FMNL3: variants seen among roughly 807,000 people sequenced by gnomAD.
FMNL3 encodes the protein formin-like protein 3.
A neutral mutation model predicts 119.6 loss-of-function variants in FMNL3; 57 were observed. The ratio of observed to expected loss-of-function variants is 0.48; its 90% CI spans 0.39 to 0.59. The LOEUF is 0.59. Among genes scored for constraint, FMNL3 ranks in the 20% least tolerant of loss-of-function variants. The probability of loss-of-function intolerance (pLI) is 0.00; values close to 1 mark genes in which losing one functional copy is unlikely to be tolerated. For missense variants in FMNL3, 1,053 were observed against 1,323.5 expected (o/e 0.80, Z 3.17); for synonymous variants, 491 against 507.3 (o/e 0.97, Z 0.43).
intron 21 of FMNL3, 81 bp from the exon 22 acceptor site, chr12:49,648,434 C>A (rs891598507): frequency 2.1e-5 from 30 of 1,450,124 alleles, no homozygotes; most frequent in Non-Finnish European, 2.6e-5. Context: ...CAAACTCTGG[C>A]CCTCCCCCTC....
intron 1 of FMNL3, among the ~76,000 whole-genome samples, chr12:49,692,326 C>CAA (rs879884290): frequency 2.1e-5 from 3 of 140,524 alleles, no homozygotes; most frequent in Non-Finnish European, 4.7e-5. Flanking sequence ...ACCTTGTCTC[C>CAA]AAAAAAAAAA....
chr12:49,654,411 G>A (rs1795295535), intron 10 of FMNL3, 109 bp from the exon 11 acceptor site: 1 of 797,446 alleles, frequency 1.3e-6, no homozygotes, highest in Admixed American at 2.4e-5. Context: ...GATAATTACA[G>A]GGAGTCAATT....
At chr12:49,671,122 T>C (rs1944034378) in intron 1 of FMNL3, among the ~76,000 whole-genome samples, 1 of 152,220 alleles carries the variant, frequency 6.6e-6, no homozygotes, top group South Asian at 2.1e-4. Flanking sequence ...GCCAACTTCC[T>C]CCCTCAGCCA....
At position 49,640,742 on chromosome 12, in the gene FMNL3, T is replaced by C. The variant is rs1942522626; in HGVS notation, c.*5073A>G. The stretch of plus-strand genomic sequence containing the variant: ...CTAATAGGTTCTCAATAAATGTTTA[T>C]TCCTTTTCCTTTCTGCTGCATTTCA... On this transcript the variant is annotated 3_prime_UTR_variant, in exon 26 of 26. Coordinates refer to ENST00000335154, the MANE Select transcript of FMNL3 (RefSeq NM_175736.5). 2 of 152,366 alleles carry C rather than the reference T, an allele frequency of 1.3e-5. No homozygotes were observed. The highest frequency in any genetic ancestry group is 4.1e-4 in the South Asian group (2 of 4,820). 9.4% of individuals were successfully genotyped at this position (152,366 alleles called of 1,614,324 possible).
Position 49,644,338 on chromosome 12 carries a change from C to A in FMNL3, c.*1477G>T. The A allele has an allele frequency of 1.1e-6, 1 of 909,930 alleles. No individual in the cohort carries two copies. The highest frequency in any genetic ancestry group is 1.7e-6 in the Non-Finnish European group (1 of 586,418). 56.4% of individuals were successfully genotyped at this position (909,930 alleles called of 1,614,324 possible). ...ACCCCCAGCACACCATTGTTGGCAC[C>A]TCTCAAGGTTGCTCTTGGTGTTCAA... On this transcript the variant is annotated 3_prime_UTR_variant, in exon 26 of 26. Transcript: ENST00000335154.
chr12:49,642,733 C>G lies in FMNL3; in HGVS notation c.*3082G>C. On this transcript the variant is annotated 3_prime_UTR_variant, in exon 26 of 26. Coordinates refer to ENST00000335154, the MANE Select transcript of FMNL3 (RefSeq NM_175736.5). The surrounding 1 kb of genome is among the most constrained non-coding windows in gnomAD (Gnocchi z 5.8). ...GGCCCTTGAACTCATTAGACCAGTT[C>G]AACAGAGACCTCAGTGGCCTCCCTC... The G allele has an allele frequency of 6.4e-7, 1 of 1,556,144 alleles. No individual in the cohort carries two copies. The highest frequency in any genetic ancestry group is 1.2e-5 in the South Asian group (1 of 86,220).
Position 49,658,584 on chromosome 12 carries a change from C to T in FMNL3, c.463G>A (p.Glu155Lys). The change falls in exon 6 of 26, where the codon GAG (glutamate) becomes AAG (lysine). Residue 155 changes from glutamate to lysine, a missense_variant. Coordinates refer to ENST00000335154, the MANE Select transcript of FMNL3 (RefSeq NM_175736.5). ...CCATCGTCACCACTTTCCAGACCCT[C>T]AAAGTCAAACCTGGAGCATGAAAGG... ...FAQCSVMFDFEGLESGDDGAF... is the reference protein window; with the variant it reads ...FAQCSVMFDFKGLESGDDGAF... 1 of 1,608,634 alleles carries T rather than the reference C, an allele frequency of 6.2e-7. No individual in the cohort carries two copies.
At position 49,651,044 on chromosome 12, in the gene FMNL3, A is replaced by C. The variant is rs532170342; in HGVS notation, c.1797+124T>G. 1.2e-4 allele frequency: 184 copies of C among 1,479,352 alleles called. 1 individual carries two copies. The highest frequency in any genetic ancestry group is 1.6e-4 in the Non-Finnish European group (172 of 1,078,252). The allele number at this position is 1,479,352 out of a possible 1,614,324, so 91.6% of individuals were successfully genotyped here. A position where few individuals can be genotyped will look rare whatever the true frequency, so the allele number is the denominator to read the frequency against. On this transcript the variant is annotated intron_variant, in intron 16 of 25. Transcript: ENST00000335154. ...GAAATATACGTACACTCAAGAATGAAGGGTTGGTGGAGCTAAGCCTGGCCT... is the reference window on the plus strand; with the variant it reads ...GAAATATACGTACACTCAAGAATGACGGGTTGGTGGAGCTAAGCCTGGCCT...
chr12:49,680,315 T>C (rs938985100), intron 1 of FMNL3, among the ~76,000 whole-genome samples: 1 of 152,226 alleles, frequency 6.6e-6, no homozygotes, highest in Non-Finnish European at 1.5e-5. Context: ...CCCTGCTTTA[T>C]AGAAAGATAA....
At chr12:49,646,592 ATC>A in intron 25 of FMNL3, 1 of 1,397,814 alleles carries the variant, frequency 7.2e-7, no homozygotes, top group Non-Finnish European at 9.5e-7. Context: ...CCCAGCAGGA[ATC>A]CTGGGAGACG....
chr12:49,696,130 A>T (rs1320211327), intron 1 of FMNL3, among the ~76,000 whole-genome samples: 6 of 152,208 alleles, frequency 3.9e-5, no homozygotes, highest in African/African-American at 9.7e-5. Context: ...CAGATGCTCA[A>T]GTCTCTGATA....
At chr12:49,673,014 G>T (rs780148805) in intron 1 of FMNL3, among the ~76,000 whole-genome samples, 70 of 152,262 alleles carry the variant, frequency 4.6e-4, no homozygotes, top group Admixed American at 5.9e-4. Flanking sequence ...CTCCAGCAGG[G>T]GCTGTTTGTT....
At chr12:49,686,369 TAGG>T (rs1019270960) in intron 1 of FMNL3, among the ~76,000 whole-genome samples, 3 of 151,576 alleles carry the variant, frequency 2.0e-5, no homozygotes, top group African/African-American at 7.3e-5. Flanking sequence ...ATCACGAGGT[TAGG>T]AGACCAATAC....
intron 1 of FMNL3, among the ~76,000 whole-genome samples, chr12:49,676,489 C>T (rs151054236): frequency 2.1e-3 from 307 of 149,486 alleles, no homozygotes; most frequent in African/African-American, 7.3e-3. Flanking sequence ...ATACCATGGA[C>T]CTTTAGCACA....
At chr12:49,665,001 C>A (rs113376690) in intron 4 of FMNL3, among the ~76,000 whole-genome samples, 2 of 151,724 alleles carry the variant, frequency 1.3e-5, no homozygotes, top group African/African-American at 2.4e-5. Context: ...CAGGTCTATA[C>A]CCCTGCCTGC....
At position 49,642,697 on chromosome 12, in the gene FMNL3, G is replaced by C; in HGVS notation, c.*3118C>G. The C allele has an allele frequency of 1.9e-6, 3 of 1,609,678 alleles. No individual in the cohort carries two copies. Among genetic ancestry groups the C allele is most frequent in the Non-Finnish European group, 2.5e-6 (3 of 1,177,712 alleles). On this transcript the variant is annotated 3_prime_UTR_variant, in exon 26 of 26. Transcript: ENST00000335154. The surrounding 1 kb of genome is among the most constrained non-coding windows in gnomAD (Gnocchi z 5.8). ...GGAGGTGAGGCAGGCTTGTCCTCTGGATCTGCCTCAGGCCCTTGAACTCAT... is the reference window on the plus strand; with the variant it reads ...GGAGGTGAGGCAGGCTTGTCCTCTGCATCTGCCTCAGGCCCTTGAACTCAT...
chr12:49,648,459 C>A, intron 21 of FMNL3, 106 bp from the exon 22 acceptor site: 1 of 1,228,804 alleles, frequency 8.1e-7, no homozygotes, highest in South Asian at 1.6e-5. Flanking sequence ...TGGGCTCACT[C>A]AGGTTCACAT....
At chr12:49,685,694 A>G (rs1341282731) in intron 1 of FMNL3, among the ~76,000 whole-genome samples, 1 of 152,312 alleles carries the variant, frequency 6.6e-6, no homozygotes, top group East Asian at 1.9e-4. Context: ...TTCAACAATA[A>G]TTCTTATTTC....
Position 49,637,530 on chromosome 12 carries a change from C to T in FMNL3, c.*8285G>A, listed in dbSNP as rs1942000147. ...GCACTCTATGTCCACCTGGATGGAG[C>T]TATATCCAGCAGTCAGCACTGATGT... On this transcript the variant is annotated 3_prime_UTR_variant, in exon 26 of 26. Coordinates refer to ENST00000335154, the MANE Select transcript of FMNL3 (RefSeq NM_175736.5). The T allele has an allele frequency of 1.2e-6, 2 of 1,613,942 alleles. No individual in the cohort carries two copies. Among genetic ancestry groups the T allele is most frequent in the Middle Eastern group, 1.6e-4 (1 of 6,062 alleles).
Sources: gnomAD v4.1 joint callset for allele counts (sites outside exome capture counted in the v4.1 genomes callset) on GRCh38, gnomAD v4.1.1 for gene constraint, Gnocchi (gnomAD v3.1) non-coding constraint, MANE v1.5 for transcripts, NCBI Gene and HGNC (gene_info 2026-07-23, HGNC 2026-07-21) for gene names.